The following PDE4B variants were observed in gnomAD, a reference collection of about 807,000 sequenced individuals.
The protein encoded by PDE4B is 3',5'-cyclic-AMP phosphodiesterase 4B.
Under a neutral mutation model 82.2 loss-of-function variants are expected in PDE4B, and 20 were observed. That is an observed-to-expected ratio of 0.24 (90% CI 0.17 to 0.35). PDE4B has a LOEUF of 0.35. Among genes scored for constraint, PDE4B ranks in the 10% least tolerant of loss-of-function variants. The pLI is 1.00. For synonymous variants in PDE4B, 320 were observed against 318.9 expected, an observed-to-expected ratio of 1.00 and a Z score of -0.04; for missense variants, 655 against 907.2, an observed-to-expected ratio of 0.72 and a Z score of 3.57.
chr1:66,337,751 G>T (rs1253627396), intron 8 of PDE4B, among the ~76,000 whole-genome samples: 2 of 152,204 alleles, frequency 1.3e-5, no homozygotes, highest in South Asian at 4.1e-4. Flanking sequence ...GGTGACCCTG[G>T]ATTAGAGGGC....
intron 3 of PDE4B, among the ~76,000 whole-genome samples, chr1:66,128,687 C>T (rs755058570): frequency 9.2e-5 from 14 of 152,176 alleles, no homozygotes; most frequent in African/African-American, 2.7e-4. Flanking sequence ...AAGACATACC[C>T]GAGACTGGGT....
intron 3 of PDE4B, among the ~76,000 whole-genome samples, chr1:66,202,287 TA>T (rs1466802788): frequency 6.6e-6 from 1 of 151,848 alleles, no homozygotes; most frequent in Admixed American, 6.6e-5. Flanking sequence ...AATTTTGGAA[TA>T]GGGGTGGTGT....
chr1:65,905,251 T>C (rs1647016162), intron 1 of PDE4B, among the ~76,000 whole-genome samples: 1 of 152,148 alleles, frequency 6.6e-6, no homozygotes, highest in South Asian at 2.1e-4. Flanking sequence ...GGGAAGTCCA[T>C]AAAGGCTTTT....
intron 8 of PDE4B, among the ~76,000 whole-genome samples, chr1:66,334,569 A>G (rs899933870): frequency 6.6e-6 from 1 of 152,216 alleles, no homozygotes; most frequent in African/African-American, 2.4e-5. Context: ...AAAAGGGCTA[A>G]CCTTCAATGC....
intron 1 of PDE4B, among the ~76,000 whole-genome samples, chr1:65,881,449 C>T (rs558296954): frequency 6.6e-6 from 1 of 152,292 alleles, no homozygotes; most frequent in East Asian, 1.9e-4. Flanking sequence ...AGACCTGCTT[C>T]CTGTCCTCAC....
At chr1:66,207,477 A>C (rs1033964229) in intron 3 of PDE4B, among the ~76,000 whole-genome samples, 6 of 152,236 alleles carry the variant, frequency 3.9e-5, no homozygotes, top group Non-Finnish European at 1.5e-5. Flanking sequence ...AGTTTAAGGC[A>C]AATGAAAAAC....
chr1:66,368,483 T>G (rs1663416328), intron 15 of PDE4B, among the ~76,000 whole-genome samples: 1 of 152,230 alleles, frequency 6.6e-6, no homozygotes, highest in Non-Finnish European at 1.5e-5. Flanking sequence ...CTTTGCATTC[T>G]TTCCAAACTG....
intron 7 of PDE4B, among the ~76,000 whole-genome samples, chr1:66,292,059 G>T (rs1657127330): frequency 6.6e-6 from 1 of 152,112 alleles, no homozygotes; most frequent in Admixed American, 6.6e-5. Flanking sequence ...ATTAGCGCCT[G>T]GGGAATCTGC....
chr1:66,195,686 T>C (rs1648240323), intron 3 of PDE4B, among the ~76,000 whole-genome samples: 1 of 152,158 alleles, frequency 6.6e-6, no homozygotes, highest in East Asian at 1.9e-4. Flanking sequence ...ACCTAGCTCA[T>C]AAGTTTCCTG....
intron 8 of PDE4B, chr1:66,354,629 A>G: frequency 1.5e-6 from 2 of 1,363,730 alleles, no homozygotes; most frequent in Admixed American, 3.3e-5. Flanking sequence ...GCCAGGAAAT[A>G]AGCAGGGAGC....
intron 1 of PDE4B, among the ~76,000 whole-genome samples, chr1:65,849,227 A>G (rs1646301920): frequency 6.6e-6 from 1 of 152,150 alleles, no homozygotes; most frequent in African/African-American, 2.4e-5. Flanking sequence ...ATGGACAGGA[A>G]CTGTACTTCA....
intron 3 of PDE4B, among the ~76,000 whole-genome samples, chr1:66,155,941 T>C (rs1546262): frequency 0.53 from 81,247 of 152,058 alleles, 24,291 homozygotes; most frequent in Non-Finnish European, 0.68. Flanking sequence ...TTGTACTTTA[T>C]GCTTCTACAA....
At chr1:66,154,527 C>T (rs978530384) in intron 3 of PDE4B, among the ~76,000 whole-genome samples, 2 of 152,152 alleles carry the variant, frequency 1.3e-5, no homozygotes, top group Admixed American at 1.3e-4. Context: ...TGTCTGTTGT[C>T]CACTTTTTGG....
At chr1:66,180,610 C>G (rs541746929) in intron 3 of PDE4B, among the ~76,000 whole-genome samples, 2 of 152,114 alleles carry the variant, frequency 1.3e-5, no homozygotes, top group African/African-American at 4.8e-5. Flanking sequence ...TTCAAAAAGG[C>G]AAAAGAGGTG....
In PDE4B at chr1:66,266,595, A is replaced by C. The variant is rs373131851; in HGVS notation, c.634+508A>C. 4 of 423,680 alleles carry C rather than the reference A, an allele frequency of 9.4e-6. No individual in the cohort carries two copies. The East Asian group carries it at 2.8e-4, about 29-fold the overall frequency. 26.2% of individuals were successfully genotyped at this position (423,680 alleles called of 1,614,324 possible). A position where few individuals can be genotyped will look rare whatever the true frequency, so the allele number is the denominator to read the frequency against. Reference sequence around the variant, plus strand: ...TCACGAATCATTTCTTTTGGAGGGCATCCAACTTTGTTCCTCAACGGTGTT... The same window carrying C: ...TCACGAATCATTTCTTTTGGAGGGCCTCCAACTTTGTTCCTCAACGGTGTT... On this transcript the variant is annotated intron_variant, in intron 7 of 16. Transcript: ENST00000341517.
intron 3 of PDE4B, among the ~76,000 whole-genome samples, chr1:66,197,488 G>A (rs948771150): frequency 1.2e-4 from 19 of 152,054 alleles, no homozygotes; most frequent in African/African-American, 4.6e-4. Flanking sequence ...ATATTTATAC[G>A]TATTTAAAAC....
chr1:65,927,940 G>A (rs1161422453), intron 3 of PDE4B, among the ~76,000 whole-genome samples: 2 of 152,104 alleles, frequency 1.3e-5, no homozygotes, highest in African/African-American at 2.4e-5. Context: ...TTGGACCTGA[G>A]CTACAACTCC....
At chr1:65,811,788 TTTATA>T (rs1371470170) in intron 1 of PDE4B, among the ~76,000 whole-genome samples, 1 of 152,158 alleles carries the variant, frequency 6.6e-6, no homozygotes, top group African/African-American at 2.4e-5. Context: ...GGATTTTCTC[TTTATA>T]TTATGACATA....
At chr1:65,968,957 C>G (rs1649990745) in intron 3 of PDE4B, among the ~76,000 whole-genome samples, 1 of 152,124 alleles carries the variant, frequency 6.6e-6, no homozygotes, top group South Asian at 2.1e-4. Context: ...ATATTCATAA[C>G]CACATTTTGA....
Sources: gnomAD v4.1 joint callset for allele counts (sites outside exome capture counted in the v4.1 genomes callset) on GRCh38, gnomAD v4.1.1 for gene constraint, MANE v1.5 for transcripts, NCBI Gene and HGNC (gene_info 2026-07-23, HGNC 2026-07-21) for gene names.